Variants in SOS2 observed in about 807,000 individuals in gnomAD.
SOS2 encodes son of sevenless homolog 2.
In SOS2, 65 loss-of-function variants were observed where a neutral mutation model predicts 148.2. The observed-to-expected ratio is 0.44, with a 90% CI of 0.36 to 0.54. The LOEUF (loss-of-function observed/expected upper bound fraction) is 0.54. SOS2 is among the 20% of genes least tolerant of loss of function. SOS2 has a pLI of 0.00. For missense variants in SOS2, 1,341 were observed against 1,590.2 expected (o/e 0.84, Z 2.67); for synonymous variants, 539 against 537.1 (o/e 1.00, Z -0.05).
intron 16 of SOS2, among the ~76,000 whole-genome samples, chr14:50,142,483 A>T (rs1275838740): frequency 6.6e-6 from 1 of 152,220 alleles, no homozygotes; most frequent in African/African-American, 2.4e-5. Flanking sequence ...AGGAGTATGT[A>T]ACCTCCCACA....
intron 1 of SOS2, among the ~76,000 whole-genome samples, chr14:50,227,243 C>T (rs374389459): frequency 8.9e-5 from 10 of 112,618 alleles, no homozygotes; most frequent in East Asian, 5.4e-4. Context: ...TTCTTTCTTT[C>T]TTTCTTTTTT....
chr14:50,155,918 C>T (rs1352975172), intron 12 of SOS2: 1 of 152,046 alleles, frequency 6.6e-6, no homozygotes, highest in African/African-American at 2.4e-5. Flanking sequence ...TTATTTATTG[C>T]TGATACATAA....
intron 4 of SOS2, among the ~76,000 whole-genome samples, chr14:50,189,791 C>T (rs1886063560): frequency 6.6e-6 from 1 of 152,136 alleles, no homozygotes; most frequent in Admixed American, 6.6e-5. Flanking sequence ...GGTCAACCAA[C>T]AGGCAAGAAC....
chr14:50,142,999 A>C (rs371935486), intron 16 of SOS2, among the ~76,000 whole-genome samples: 3 of 152,234 alleles, frequency 2.0e-5, no homozygotes, highest in Non-Finnish European at 4.4e-5. Context: ...GGAAGAAACC[A>C]TAAGTGAAGA....
chr14:50,182,086 T>C (rs991493027), intron 6 of SOS2, among the ~76,000 whole-genome samples: 4 of 151,920 alleles, frequency 2.6e-5, no homozygotes, highest in African/African-American at 9.7e-5. Context: ...AAACACACTA[T>C]AAAGAAAGTG....
chr14:50,187,319 AATTATT>A lies in SOS2; in HGVS notation c.714+1172_714+1177del, dbSNP rs200578700. ...TGAGCCACTGCACCTGGCCAAGACT[AATTATT>A]ATTATTATTATTATTGTTACTTTTT... On this transcript the variant is annotated intron_variant, in intron 5 of 22. Transcript: ENST00000216373. Among the ~76,000 whole-genome samples the A allele has an allele frequency of 1.2e-4, 18 of 148,194 alleles. No homozygotes were observed. In the East Asian group the frequency reaches 2.2e-3, roughly 18 times the overall value.
At chr14:50,156,535 T>C (rs1315391966) in intron 12 of SOS2, 1 of 152,330 alleles carries the variant, frequency 6.6e-6, no homozygotes, top group Admixed American at 6.6e-5. Context: ...CAAATGTCTA[T>C]ATATTTTGTG....
intron 4 of SOS2, among the ~76,000 whole-genome samples, chr14:50,188,941 G>A (rs1886015041): frequency 6.6e-6 from 1 of 151,856 alleles, no homozygotes; most frequent in Non-Finnish European, 1.5e-5. Context: ...GTAGGCGCTT[G>A]TAATCCCAGC....
intron 14 of SOS2, among the ~76,000 whole-genome samples, chr14:50,148,019 A>C (rs535712393): frequency 3.3e-5 from 5 of 152,300 alleles, no homozygotes; most frequent in African/African-American, 1.2e-4. Context: ...GTTATTCATT[A>C]AAAAAATATT....
chr14:50,189,606 A>C (rs911350845), intron 4 of SOS2, among the ~76,000 whole-genome samples: 1 of 152,154 alleles, frequency 6.6e-6, no homozygotes, highest in Non-Finnish European at 1.5e-5. Flanking sequence ...TAAAAGGAGA[A>C]AAGTGAAATG....
chr14:50,202,943 G>A (rs550626972), intron 2 of SOS2, among the ~76,000 whole-genome samples: 3 of 152,096 alleles, frequency 2.0e-5, no homozygotes, highest in African/African-American at 7.2e-5. Flanking sequence ...ATCACTGAAG[G>A]CCAGGAGTTC....
At chr14:50,180,812 C>T in intron 6 of SOS2, 130 bp from the exon 7 acceptor site, 1 of 520,796 alleles carries the variant, frequency 1.9e-6, no homozygotes, top group Non-Finnish European at 3.4e-6. Context: ...CACTATATTC[C>T]AGCTCGAGCA....
intron 1 of SOS2, among the ~76,000 whole-genome samples, chr14:50,217,742 G>A (rs1887076005): frequency 6.6e-6 from 1 of 150,772 alleles, no homozygotes; most frequent in South Asian, 2.1e-4. Flanking sequence ...GGATCACGAG[G>A]TCAGGAGATC....
intron 1 of SOS2, among the ~76,000 whole-genome samples, chr14:50,220,976 T>C (rs1433224672): frequency 6.6e-6 from 1 of 152,214 alleles, no homozygotes; most frequent in Non-Finnish European, 1.5e-5. Context: ...ATCAGTGTTC[T>C]TTGCAGAACG....
Position 50,210,319 on chromosome 14 carries a change from G to A in SOS2, c.88-5910C>T, listed in dbSNP as rs75491125. Among the ~76,000 whole-genome samples, 1,002 of 152,270 alleles carry A rather than the reference G, an allele frequency of 6.6e-3. 12 individuals carry two copies. The highest frequency in any genetic ancestry group is 0.023 in the African/African-American group (942 of 41,552). The stretch of plus-strand genomic sequence containing the variant: ...GAGAGTTGCAGGGAGGCAGGGAAGT[G>A]TATGAATAGTGTTGAACCACTGCAG... On this transcript the variant is annotated intron_variant, in intron 1 of 22. Coordinates refer to ENST00000216373, the MANE Select transcript of SOS2 (RefSeq NM_006939.4).
Position 50,159,775 on chromosome 14 carries a change from T to G in SOS2, c.1508A>C (p.Glu503Ala), listed in dbSNP as rs763932554. The G allele has an allele frequency of 6.2e-7, 1 of 1,614,054 alleles. No individual in the cohort carries two copies. Among genetic ancestry groups the G allele is most frequent in the Non-Finnish European group, 8.5e-7 (1 of 1,179,918 alleles). ...TGCATGCTTGTGCTCACAAGTATCT[T>G]CTTTATCACAAATTTGTATTTTCCT... ...VMRKIQICDK[E>A]DTCEHKHAFE... The change falls in exon 10 of 23, where the codon GAA becomes GCA. Residue 503 changes from glutamate (E) to alanine (A), a missense_variant. Glu to Ala is a moderately radical substitution (Grantham distance 107). Transcript: ENST00000216373.
intron 18 of SOS2, among the ~76,000 whole-genome samples, chr14:50,135,275 A>T (rs954776389): frequency 6.6e-6 from 1 of 151,818 alleles, no homozygotes; most frequent in African/African-American, 2.4e-5. Flanking sequence ...AGCCAGGGCA[A>T]TATGGTGAGA....
intron 1 of SOS2, among the ~76,000 whole-genome samples, chr14:50,226,916 T>C (rs955343421): frequency 2.0e-5 from 3 of 152,196 alleles, no homozygotes; most frequent in Admixed American, 6.5e-5. Context: ...GGTAATAAAC[T>C]GCATTTACAA....
At position 50,161,372 on chromosome 14, in the gene SOS2, A is replaced by C. The variant is rs1467756881; in HGVS notation, c.1196+110T>G. ...AAAAGTATATAAAAGTATGACAAGC[A>C]CAACTTTCAATAATGTAACTATCAC... On this transcript the variant is annotated intron_variant, in intron 9 of 22. Coordinates refer to ENST00000216373, the MANE Select transcript of SOS2 (RefSeq NM_006939.4). 7.2e-6 allele frequency: 6 copies of C among 830,234 alleles called. No individual in the cohort carries two copies. In the East Asian group the frequency reaches 7.8e-5, roughly 11 times the overall value. 51.4% of individuals were successfully genotyped at this position (830,234 alleles called of 1,614,324 possible).
Sources: allele counts gnomAD v4.1 joint callset (sites outside exome capture counted in the v4.1 genomes callset), GRCh38; gene constraint gnomAD v4.1.1; transcripts MANE v1.5; gene names NCBI Gene and HGNC (gene_info 2026-07-23, HGNC 2026-07-21).